Variants in GALNT17 observed in about 807,000 individuals in gnomAD.
GALNT17 encodes the protein UDP-GalNAc:polypeptide N-acetylgalactosaminyltransferase-like 3.
A neutral mutation model predicts 63.7 loss-of-function variants in GALNT17; 29 were observed. The observed-to-expected ratio is 0.46, with a 90% confidence interval of 0.34 to 0.62. GALNT17 has a LOEUF of 0.62. GALNT17 is among the 20% of genes least tolerant of loss of function. GALNT17 has a pLI of 0.01. For missense variants in GALNT17, 603 were observed against 799.6 expected (o/e 0.75, Z 2.97); for synonymous variants, 305 against 318.3 (o/e 0.96, Z 0.45).
chr7:71,480,389 G>A (rs1422974650), intron 5 of GALNT17, among the ~76,000 whole-genome samples: 1 of 151,946 alleles, frequency 6.6e-6, no homozygotes, highest in Non-Finnish European at 1.5e-5. Flanking sequence ...CAGGGTCTCT[G>A]CAGTCAGTCC....
chr7:71,291,619 G>C (rs925027760), intron 1 of GALNT17, among the ~76,000 whole-genome samples: 1 of 152,002 alleles, frequency 6.6e-6, no homozygotes, highest in African/African-American at 2.4e-5. Flanking sequence ...CCCATTATTT[G>C]TTCTAATTGG....
chr7:71,665,395 A>G lies in GALNT17; in HGVS notation c.1081-16A>G. 1 of 1,584,246 alleles carries G rather than the reference A, an allele frequency of 6.3e-7. No individual in the cohort carries two copies. The highest frequency in any genetic ancestry group is 8.6e-7 in the Non-Finnish European group (1 of 1,168,888). On this transcript the variant is annotated splice_polypyrimidine_tract_variant and intron_variant, in intron 6 of 10. Transcript: ENST00000333538. Reference sequence around the variant, plus strand: ...GGAATTTCTTTTTCAGGCTGATGAAATCTTTGTACCCCTAGGTATGGCTCT... The same window carrying G: ...GGAATTTCTTTTTCAGGCTGATGAAGTCTTTGTACCCCTAGGTATGGCTCT...
intron 2 of GALNT17, among the ~76,000 whole-genome samples, chr7:71,377,085 C>CAAAAAAAAAAA (rs34111153): frequency 1.1e-4 from 2 of 18,546 alleles, no homozygotes; most frequent in Non-Finnish European, 1.9e-4. Flanking sequence ...TATTCCATCT[C>CAAAAAAAAAAA]AAAAAAAAAA....
At chr7:71,210,149 C>T (rs1789349630) in intron 1 of GALNT17, among the ~76,000 whole-genome samples, 1 of 152,076 alleles carries the variant, frequency 6.6e-6, no homozygotes, top group African/African-American at 2.4e-5. Flanking sequence ...TCTTGAACTC[C>T]TGACCTTAGG....
chr7:71,418,925 C>G (rs965454701), intron 4 of GALNT17, among the ~76,000 whole-genome samples: 1 of 152,072 alleles, frequency 6.6e-6, no homozygotes, highest in Non-Finnish European at 1.5e-5. Context: ...TGGCGAAACC[C>G]TGTCTCTACT....
chr7:71,681,409 G>A (rs770870590), intron 9 of GALNT17, among the ~76,000 whole-genome samples: 2 of 152,290 alleles, frequency 1.3e-5, no homozygotes, highest in Non-Finnish European at 2.9e-5. Context: ...AGCTAGTCTC[G>A]GGCTGAGATG....
At chr7:71,254,165 A>G (rs547827411) in intron 1 of GALNT17, among the ~76,000 whole-genome samples, 4 of 152,284 alleles carry the variant, frequency 2.6e-5, no homozygotes, top group South Asian at 2.1e-4. Context: ...CCAACTGACA[A>G]TTGGTTGAAA....
At chr7:71,310,712 TC>T (rs2115940729) in intron 1 of GALNT17, among the ~76,000 whole-genome samples, 1 of 152,330 alleles carries the variant, frequency 6.6e-6, no homozygotes, top group African/African-American at 2.4e-5. Flanking sequence ...CAAAGATGAA[TC>T]CTTCCAGAAT....
At chr7:71,429,549 T>C (rs1786821577) in intron 5 of GALNT17, among the ~76,000 whole-genome samples, 1 of 152,132 alleles carries the variant, frequency 6.6e-6, no homozygotes, top group South Asian at 2.1e-4. Flanking sequence ...TTCTTAGTTA[T>C]TTATATTTTT....
At position 71,189,811 on chromosome 7, in the gene GALNT17, CTT is replaced by C. The variant is rs113070343; in HGVS notation, c.238+56786_238+56787del. Among the ~76,000 whole-genome samples the C allele has an allele frequency of 6.6e-4, 89 of 135,688 alleles. 1 individual carries two copies. The highest frequency in any genetic ancestry group is 8.0e-4 in the African/African-American group (29 of 36,268). The allele number at this position is 135,688 out of a possible 152,430, so 89.0% of individuals were successfully genotyped here. On this transcript the variant is annotated intron_variant, in intron 1 of 10. Coordinates refer to ENST00000333538, the MANE Select transcript of GALNT17 (RefSeq NM_022479.3). ...TACATAAAATAAGCAAGAACCATTTCTTTTTTTTTTTTTTTTGAGACAGAGTT... is the reference window on the plus strand; with the variant it reads ...TACATAAAATAAGCAAGAACCATTTCTTTTTTTTTTTTTTGAGACAGAGTT...
rs796766000 is a variant in GALNT17, at chr7:71,470,669, G to T, written c.962+49564G>T. 2.4e-4 allele frequency among the ~76,000 whole-genome samples: 37 copies of T among 152,206 alleles called. 1 individual carries two copies. Among genetic ancestry groups the T allele is most frequent in the African/African-American group, 8.4e-4 (35 of 41,550 alleles). On this transcript the variant is annotated intron_variant, in intron 5 of 10. Coordinates refer to ENST00000333538, the MANE Select transcript of GALNT17 (RefSeq NM_022479.3). ...GACCAGAGAACGTGCTTAATTCAAA[G>T]ACACCCAGGGGACCCTCAAGTTCTA...
intron 1 of GALNT17, among the ~76,000 whole-genome samples, chr7:71,179,518 C>T (rs1788699107): frequency 6.6e-6 from 1 of 152,298 alleles, no homozygotes; most frequent in African/African-American, 2.4e-5. Context: ...TTTTGAGGTT[C>T]ACACCAGGCA....
intron 1 of GALNT17, among the ~76,000 whole-genome samples, chr7:71,150,983 A>G (rs1788122130): frequency 6.6e-6 from 1 of 151,324 alleles, no homozygotes; most frequent in Non-Finnish European, 1.5e-5. Flanking sequence ...ACTTCAAAAA[A>G]AAAAAAAAAA....
At chr7:71,383,715 T>G (rs79488423) in intron 2 of GALNT17, among the ~76,000 whole-genome samples, 3,965 of 152,326 alleles carry the variant, frequency 0.026, 83 homozygotes, top group East Asian at 0.11. Flanking sequence ...GCTACAGGTG[T>G]GAGTTGCTAT....
In GALNT17 at chr7:71,621,367, C is replaced by A. The variant is rs149277691; in HGVS notation, c.1081-44044C>A. Among the ~76,000 whole-genome samples, 4 of 152,290 alleles carry A rather than the reference C, an allele frequency of 2.6e-5. No homozygotes were observed. The East Asian group carries it at 7.7e-4, about 29-fold the overall frequency. ...GAAGAGCATCTATGTCGATTTTATT[C>A]ATCAGTGTATCACCTGACCTGCCTA... On this transcript the variant is annotated intron_variant, in intron 6 of 10. Coordinates refer to ENST00000333538, the MANE Select transcript of GALNT17 (RefSeq NM_022479.3).
At chr7:71,668,941 G>A (rs1379243712) in intron 7 of GALNT17, among the ~76,000 whole-genome samples, 1 of 152,146 alleles carries the variant, frequency 6.6e-6, no homozygotes, top group Non-Finnish European at 1.5e-5. Context: ...AAATTTTGCA[G>A]GTATAGGAAA....
chr7:71,615,425 C>T (rs1189115171), intron 6 of GALNT17, among the ~76,000 whole-genome samples: 2 of 150,750 alleles, frequency 1.3e-5, no homozygotes, highest in Non-Finnish European at 2.9e-5. Flanking sequence ...TAAATTAAAG[C>T]ACCTTGGTGC....
intron 1 of GALNT17, among the ~76,000 whole-genome samples, chr7:71,203,499 T>A (rs1789213789): frequency 6.6e-6 from 1 of 152,256 alleles, no homozygotes; most frequent in Non-Finnish European, 1.5e-5. Context: ...CATTTATTTC[T>A]TTGCTCTTGA....
intron 6 of GALNT17, among the ~76,000 whole-genome samples, chr7:71,607,056 C>A (rs551432829): frequency 6.6e-6 from 1 of 152,242 alleles, no homozygotes; most frequent in South Asian, 2.1e-4. Context: ...CCTGTAATCC[C>A]AGCACTTTGG....
Sources: allele counts gnomAD v4.1 joint callset (sites outside exome capture counted in the v4.1 genomes callset), GRCh38; gene constraint gnomAD v4.1.1; transcripts MANE v1.5; gene names NCBI Gene and HGNC (gene_info 2026-07-23, HGNC 2026-07-21).